The following IL1RN variants were observed in gnomAD, a reference collection of about 807,000 sequenced individuals.
The protein encoded by IL1RN is interleukin-1 receptor antagonist protein.
In IL1RN, 10 loss-of-function variants were observed where a neutral mutation model predicts 13.7. The ratio of observed to expected loss-of-function variants is 0.73; its 90% confidence interval spans 0.45 to 1.24. The LOEUF (loss-of-function observed/expected upper bound fraction) is 1.24, where lower values mean the gene tolerates loss of function less well. Among genes scored for constraint, IL1RN ranks in the 50% most tolerant of loss-of-function variants. The pLI is 0.00. For missense variants in IL1RN, 213 were observed against 222.1 expected (o/e 0.96, Z 0.26); for synonymous variants, 102 against 82.7 (o/e 1.23, Z -1.27).
the IL1RN span, among the ~76,000 whole-genome samples, chr2:113,102,067 C>T: frequency 5.3e-5 from 8 of 152,124 alleles, no homozygotes; most frequent in Non-Finnish European, 1.0e-4. Context: ...GTGCCCCGCC[C>T]GAGACTTTTT....
At chr2:113,109,377 A>C (rs1456577736), upstream of IL1RN, among the ~76,000 whole-genome samples, 2 of 149,512 alleles carry the variant, frequency 1.3e-5, no homozygotes, top group African/African-American at 2.5e-5. Context: ...GTGCCATTGC[A>C]TTCCAGCCTG....
intron 1 of IL1RN, 129 bp from the exon 2 acceptor site, chr2:113,129,447 A>G (rs772646418): frequency 2.9e-5 from 22 of 748,558 alleles, no homozygotes; most frequent in Middle Eastern, 2.5e-4. Context: ...CCGTGGGTAT[A>G]CTAAAATACT....
At chr2:113,106,202 C>CA (rs1313713699), upstream of IL1RN, among the ~76,000 whole-genome samples, 1 of 152,016 alleles carries the variant, frequency 6.6e-6, no homozygotes, top group Non-Finnish European at 1.5e-5. Context: ...TGTATGACTC[C>CA]AAAATCAGTG....
chr2:113,121,717 G>C (rs1224595035), intron 2 of IL1RN: 1 of 649,312 alleles, frequency 1.5e-6, no homozygotes, highest in Non-Finnish European at 1.9e-6. Context: ...CAGGAGAGCA[G>C]AGGTGGTCAC....
Position 113,132,879 on chromosome 2 carries a change from C to T in IL1RN, c.*8C>T. 1 of 1,612,656 alleles carries T rather than the reference C, an allele frequency of 6.2e-7. No homozygotes were observed. The highest frequency in any genetic ancestry group is 8.5e-7 in the Non-Finnish European group (1 of 1,178,644). Reference sequence around the variant, plus strand: ...TTCCAGGAGGACGAGTAGTACTGCCCAGGCCTGCCTGTTCCCATTCTTGCA... The same window carrying T: ...TTCCAGGAGGACGAGTAGTACTGCCTAGGCCTGCCTGTTCCCATTCTTGCA... On this transcript the variant is annotated 3_prime_UTR_variant, in exon 4 of 4. Transcript: ENST00000409930.
At chr2:113,102,244 C>G (rs1269532747), upstream of IL1RN, among the ~76,000 whole-genome samples, 1 of 152,204 alleles carries the variant, frequency 6.6e-6, no homozygotes, top group East Asian at 1.9e-4. Flanking sequence ...TCACTGTGGC[C>G]TTTCCTTGGT....
At chr2:113,108,402 C>T (rs901727565), upstream of IL1RN, among the ~76,000 whole-genome samples, 28 of 151,898 alleles carry the variant, frequency 1.8e-4, no homozygotes, top group African/African-American at 5.8e-4. Context: ...TAATGCTATC[C>T]GTCCCCCCTC....
At chr2:113,108,728 A>G (rs1686424660), upstream of IL1RN, among the ~76,000 whole-genome samples, 1 of 152,186 alleles carries the variant, frequency 6.6e-6, no homozygotes, top group South Asian at 2.1e-4. Flanking sequence ...GGATGTCAGT[A>G]AAAAATGGTG....
At chr2:113,102,064 G>T in the IL1RN span, among the ~76,000 whole-genome samples, 3 of 152,118 alleles carry the variant, frequency 2.0e-5, no homozygotes, top group Non-Finnish European at 4.4e-5. Context: ...ACCGTGCCCC[G>T]CCCGAGACTT....
upstream of IL1RN, among the ~76,000 whole-genome samples, chr2:113,123,275 G>C (rs933563244): frequency 6.6e-6 from 1 of 152,214 alleles, no homozygotes; most frequent in Non-Finnish European, 1.5e-5. Context: ...AATGGCCAAG[G>C]CTGTAAGGAA....
At chr2:113,119,908 G>A (rs1305013402) in intron 1 of IL1RN, among the ~76,000 whole-genome samples, 1 of 152,030 alleles carries the variant, frequency 6.6e-6, no homozygotes, top group Admixed American at 6.6e-5. Flanking sequence ...AGTTGACGGG[G>A]TGCATACTCG....
upstream of IL1RN, chr2:113,117,674 G>T (rs1015898404): frequency 1.1e-5 from 5 of 465,008 alleles, no homozygotes; most frequent in Non-Finnish European, 1.2e-5. Flanking sequence ...GGGTAAGCAC[G>T]AAGGCCCAGC....
At chr2:113,116,728 G>A (rs948631698), upstream of IL1RN, among the ~76,000 whole-genome samples, 2 of 152,250 alleles carry the variant, frequency 1.3e-5, no homozygotes. Context: ...ATTGGTGGCA[G>A]CCAGTAGGCT....
At chr2:113,099,714 C>T in the IL1RN span, among the ~76,000 whole-genome samples, 1 of 119,056 alleles carries the variant, frequency 8.4e-6, no homozygotes, top group African/African-American at 3.2e-5. Flanking sequence ...CCTCAGCATC[C>T]TCTTCTTTCT....
upstream of IL1RN, chr2:113,107,330 C>T (rs1686402008): frequency 6.6e-6 from 1 of 152,294 alleles, no homozygotes; most frequent in Admixed American, 6.5e-5. Flanking sequence ...GGAATGACAG[C>T]TGACTTCTCA....
rs377302236 is a variant in IL1RN, at chr2:113,132,990, C to T, written c.*119C>T. The T allele has an allele frequency of 2.4e-4, 229 of 956,862 alleles. 3 individuals are homozygous for T. Among genetic ancestry groups the T allele is most frequent in the East Asian group, 2.3e-3 (91 of 39,922 alleles). The allele number at this position is 956,862 out of a possible 1,614,324, so 59.3% of individuals were successfully genotyped here. On this transcript the variant is annotated 3_prime_UTR_variant, in exon 4 of 4. Transcript: ENST00000409930. ...TGAGGACCAGCCATTGAGGGGTGGACCCTCAGAAGGCGTCACAACAACCTG... is the reference window on the plus strand; with the variant it reads ...TGAGGACCAGCCATTGAGGGGTGGATCCTCAGAAGGCGTCACAACAACCTG...
At chr2:113,108,419 CCCA>C (rs1686420552), upstream of IL1RN, among the ~76,000 whole-genome samples, 1 of 151,560 alleles carries the variant, frequency 6.6e-6, no homozygotes, top group African/African-American at 2.4e-5. Flanking sequence ...CCTCCCCCAC[CCCA>C]CAACAGTCCC....
At chr2:113,102,619 T>C (rs1794071), upstream of IL1RN, among the ~76,000 whole-genome samples, 137,958 of 152,158 alleles carry the variant, frequency 0.91, 63,102 homozygotes, top group African/African-American at 0.94. Flanking sequence ...GGGCTGAGTC[T>C]GAAAGAGAGT....
chr2:113,105,899 A>G (rs115616928), upstream of IL1RN, among the ~76,000 whole-genome samples: 701 of 152,344 alleles, frequency 4.6e-3, 12 homozygotes, highest in Admixed American at 0.029. Context: ...TCAAAAGATG[A>G]GTAATCTTTT....
Sources: gnomAD v4.1 joint callset for allele counts (sites outside exome capture counted in the v4.1 genomes callset) on GRCh38, gnomAD v4.1.1 for gene constraint, MANE v1.5 for transcripts, NCBI Gene and HGNC (gene_info 2026-07-23, HGNC 2026-07-21) for gene names.